The following GLIS1 variants were observed in gnomAD, a reference collection of about 807,000 sequenced individuals.
The protein encoded by GLIS1 is GLIS family zinc finger 1.
A neutral mutation model predicts 63.8 loss-of-function variants in GLIS1; 24 were observed. The ratio of observed to expected loss-of-function variants is 0.38; its 90% CI spans 0.27 to 0.53. The LOEUF (loss-of-function observed/expected upper bound fraction) is 0.53, where lower values mean the gene tolerates loss of function less well. Ranked by LOEUF, GLIS1 falls within the 20% of genes least tolerant of loss-of-function variation. The pLI, the probability that GLIS1 is intolerant of heterozygous loss-of-function variation, is 0.85. For missense variants in GLIS1, 1,036 were observed against 1,074.1 expected, an observed-to-expected ratio of 0.96 and a Z score of 0.50; for synonymous variants, 450 against 482.5, an observed-to-expected ratio of 0.93 and a Z score of 0.88.
chr1:53,687,685 G>A (rs1241283186), intron 2 of GLIS1, among the ~76,000 whole-genome samples: 4 of 152,166 alleles, frequency 2.6e-5, no homozygotes, highest in African/African-American at 7.2e-5. Context: ...ACCCAGCCAG[G>A]GTCTTCCCAT....
chr1:53,646,764 C>G lies in GLIS1; in HGVS notation c.260-46486G>C, dbSNP rs1569980190. Among the ~76,000 whole-genome samples, 1 of 151,610 alleles carries G rather than the reference C, an allele frequency of 6.6e-6. No individual in the cohort carries two copies. Among genetic ancestry groups the G allele is most frequent in the Non-Finnish European group, 1.5e-5 (1 of 67,942 alleles). On this transcript the variant is annotated intron_variant, in intron 2 of 10. Transcript: ENST00000628545. The surrounding 1 kb of genome is among the most constrained non-coding windows in gnomAD (Gnocchi z 4.2). ...GGCAGAGGTTGCAGTGAGTAGAGAT[C>G]ACACCACTGCATTCCAGCCTGGGCA...
intron 1 of GLIS1, among the ~76,000 whole-genome samples, chr1:53,738,601 C>G (rs1339193372): frequency 6.6e-6 from 1 of 152,194 alleles, no homozygotes; most frequent in Non-Finnish European, 1.5e-5. Context: ...GGACCCGAAC[C>G]CAAAGGCCCG....
chr1:53,632,801 G>A (rs977418087), intron 2 of GLIS1, among the ~76,000 whole-genome samples: 8 of 149,602 alleles, frequency 5.3e-5, no homozygotes, highest in South Asian at 2.1e-4. Flanking sequence ...TGAGGAGAAA[G>A]GGGGAGTGAG....
chr1:53,718,229 T>C (rs1646719533), intron 2 of GLIS1, among the ~76,000 whole-genome samples: 1 of 152,174 alleles, frequency 6.6e-6, no homozygotes, highest in Admixed American at 6.5e-5. Context: ...GTTTGTGATA[T>C]ATAGTAAACC....
At chr1:53,672,730 C>T (rs1033884253) in intron 2 of GLIS1, among the ~76,000 whole-genome samples, 5 of 152,222 alleles carry the variant, frequency 3.3e-5, no homozygotes, top group Admixed American at 3.3e-4. Context: ...ACAATGTGCC[C>T]TGCAAGACTT....
intron 2 of GLIS1, among the ~76,000 whole-genome samples, chr1:53,718,532 A>G (rs1646722357): frequency 2.0e-5 from 3 of 152,182 alleles, no homozygotes; most frequent in Non-Finnish European, 2.9e-5. Context: ...AGAAAGGAAA[A>G]GTTCTGATGG....
At position 53,614,356 on chromosome 1, in the gene GLIS1, G is replaced by C. The variant is rs186841875; in HGVS notation, c.260-14078C>G. ...GGGTGACATTTGAACAGAGGCCTGA[G>C]GGGAGGGAGGGCATGCCAGGAAGGG... On this transcript the variant is annotated intron_variant, in intron 2 of 10. Coordinates refer to ENST00000628545, the MANE Select transcript of GLIS1 (RefSeq NM_001367484.1). Among the ~76,000 whole-genome samples the C allele has an allele frequency of 9.8e-5, 15 of 152,296 alleles. No homozygotes were observed. The East Asian group carries it at 2.1e-3, about 22-fold the overall frequency.
chr1:53,683,803 G>A (rs906868908), intron 2 of GLIS1, among the ~76,000 whole-genome samples: 6 of 152,152 alleles, frequency 3.9e-5, no homozygotes, highest in Admixed American at 3.9e-4. Flanking sequence ...ACAGTGGGTG[G>A]TCACTTGCTG....
At chr1:53,599,703 G>T (rs1316734434) in intron 3 of GLIS1, among the ~76,000 whole-genome samples, 1 of 152,240 alleles carries the variant, frequency 6.6e-6, no homozygotes. Flanking sequence ...ACCCAGCAGG[G>T]CTCTGTGGGC....
intron 4 of GLIS1, among the ~76,000 whole-genome samples, chr1:53,573,878 G>A (rs1295564067): frequency 1.3e-5 from 2 of 152,200 alleles, no homozygotes; most frequent in South Asian, 4.1e-4. Context: ...ATTTCTCCTT[G>A]GTTGCTCAGC....
chr1:53,595,755 C>T (rs1448428520), intron 3 of GLIS1, among the ~76,000 whole-genome samples: 2 of 152,200 alleles, frequency 1.3e-5, no homozygotes, highest in Non-Finnish European at 2.9e-5. Flanking sequence ...TCTACAAATG[C>T]TAATTGTATG....
At chr1:53,581,673 T>A (rs1213535121) in intron 4 of GLIS1, among the ~76,000 whole-genome samples, 3 of 152,008 alleles carry the variant, frequency 2.0e-5, no homozygotes, top group Non-Finnish European at 2.9e-5. Flanking sequence ...GGAGGTGACA[T>A]GGGAGCAGAG....
chr1:53,679,717 T>C (rs751557804), intron 2 of GLIS1, among the ~76,000 whole-genome samples: 2 of 152,192 alleles, frequency 1.3e-5, no homozygotes, highest in Non-Finnish European at 2.9e-5. Context: ...GCATGCTTCC[T>C]TGGGACAGCA....
Position 53,512,784 on chromosome 1 carries a change from G to A in GLIS1, c.1883+1841C>T, listed in dbSNP as rs549588350. On this transcript the variant is annotated intron_variant, in intron 8 of 10. Coordinates refer to ENST00000628545, the MANE Select transcript of GLIS1 (RefSeq NM_001367484.1). ...GCGGCAGGCAGGTGATGAATGAGGC[G>A]GAGCAGAGTGCACGGGCCCAAGCAG... is the stretch of plus-strand genomic sequence containing the variant. 3.3e-5 allele frequency among the ~76,000 whole-genome samples: 5 copies of A among 152,122 alleles called. No homozygotes were observed. In the East Asian group the frequency reaches 7.8e-4, roughly 24 times the overall value.
intron 3 of GLIS1, among the ~76,000 whole-genome samples, chr1:53,599,865 G>GA (rs1557473814): frequency 6.6e-6 from 1 of 152,258 alleles, no homozygotes; most frequent in African/African-American, 2.4e-5. Flanking sequence ...GATTCTCTGT[G>GA]AAAAGCTTCG....
At chr1:53,522,516 G>A (rs1004566735) in intron 6 of GLIS1, among the ~76,000 whole-genome samples, 4 of 152,212 alleles carry the variant, frequency 2.6e-5, no homozygotes, top group Non-Finnish European at 5.9e-5. Flanking sequence ...AGCAGTGAAC[G>A]GAGCTCAGGC....
intron 2 of GLIS1, among the ~76,000 whole-genome samples, chr1:53,663,296 G>A (rs916029052): frequency 3.9e-5 from 6 of 152,256 alleles, no homozygotes; most frequent in Non-Finnish European, 8.8e-5. Flanking sequence ...GCCCACAGCA[G>A]GCAGGCATCA....
chr1:53,738,549 G>T (rs1028556270), intron 1 of GLIS1, among the ~76,000 whole-genome samples: 18 of 152,114 alleles, frequency 1.2e-4, no homozygotes, highest in Non-Finnish European at 1.5e-4. Context: ...CGGGCTGCGC[G>T]CTTCGTCGAC....
At chr1:53,570,913 T>C (rs1335830293) in intron 4 of GLIS1, among the ~76,000 whole-genome samples, 1 of 152,184 alleles carries the variant, frequency 6.6e-6, no homozygotes, top group African/African-American at 2.4e-5. Context: ...AAGGACATTT[T>C]ACTGCAGACA....
Sources: gnomAD v4.1 joint callset for allele counts (sites outside exome capture counted in the v4.1 genomes callset) on GRCh38, gnomAD v4.1.1 for gene constraint, Gnocchi (gnomAD v3.1) non-coding constraint, MANE v1.5 for transcripts, NCBI Gene and HGNC (gene_info 2026-07-23, HGNC 2026-07-21) for gene names.